Variants in SLC4A10 observed in about 807,000 individuals in gnomAD.
The protein encoded by SLC4A10 is sodium-driven chloride bicarbonate exchanger.
SLC4A10 carries 42 observed loss-of-function variants against 137.7 expected under a neutral mutation model. The observed-to-expected ratio is 0.30, with a 90% CI of 0.24 to 0.39. The LOEUF is 0.39. Among genes scored for constraint, SLC4A10 ranks in the 10% least tolerant of loss-of-function variants. The pLI, the probability that SLC4A10 is intolerant of heterozygous loss-of-function variation, is 1.00. For missense variants in SLC4A10, 925 were observed against 1,355.0 expected (o/e 0.68, Z 4.98); for synonymous variants, 474 against 464.1 (o/e 1.02, Z -0.27).
At chr2:161,908,622 G>A (rs907136007) in intron 15 of SLC4A10, among the ~76,000 whole-genome samples, 1 of 151,738 alleles carries the variant, frequency 6.6e-6, no homozygotes, top group Admixed American at 6.6e-5. Flanking sequence ...AACTGGTATT[G>A]GGTTGGGAAA....
At chr2:161,733,822 A>T (rs1435844140) in intron 1 of SLC4A10, among the ~76,000 whole-genome samples, 1 of 152,188 alleles carries the variant, frequency 6.6e-6, no homozygotes, top group Non-Finnish European at 1.5e-5. Context: ...GCTGCCCAAG[A>T]CTATGGGAAC....
chr2:161,692,639 A>G (rs953220902), intron 1 of SLC4A10, among the ~76,000 whole-genome samples: 1 of 152,126 alleles, frequency 6.6e-6, no homozygotes, highest in Non-Finnish European at 1.5e-5. Context: ...GTCAGCAGCT[A>G]GGACAGCATG....
intron 15 of SLC4A10, among the ~76,000 whole-genome samples, chr2:161,926,015 A>G (rs1689003229): frequency 6.6e-6 from 1 of 151,864 alleles, no homozygotes; most frequent in South Asian, 2.1e-4. Flanking sequence ...GTGCTGAAAA[A>G]AATGTATATT....
chr2:161,713,090 C>A (rs1052904163), intron 1 of SLC4A10, among the ~76,000 whole-genome samples: 4 of 151,712 alleles, frequency 2.6e-5, no homozygotes, highest in Non-Finnish European at 4.4e-5. Context: ...GCAGAGGAAA[C>A]AACATCATTA....
chr2:161,724,234 C>T (rs1005904795), intron 1 of SLC4A10, among the ~76,000 whole-genome samples: 8 of 152,190 alleles, frequency 5.3e-5, no homozygotes, highest in African/African-American at 1.9e-4. Context: ...TGCCAGAGTA[C>T]TCCTTCTAAA....
chr2:161,983,109 T>C (rs921241573), intron 26 of SLC4A10, 70 bp from the exon 27 acceptor site: 3 of 1,422,690 alleles, frequency 2.1e-6, no homozygotes, highest in Admixed American at 4.1e-5. Flanking sequence ...GTTTTATGTC[T>C]GAGCAAGCAG....
chr2:161,746,065 C>A (rs1260646540), intron 1 of SLC4A10, among the ~76,000 whole-genome samples: 2 of 152,178 alleles, frequency 1.3e-5, no homozygotes, highest in Non-Finnish European at 2.9e-5. Flanking sequence ...TCTCACCAAG[C>A]CCTGTGGTGA....
chr2:161,775,221 A>G (rs1260897219), intron 2 of SLC4A10, among the ~76,000 whole-genome samples: 1 of 151,844 alleles, frequency 6.6e-6, no homozygotes, highest in Non-Finnish European at 1.5e-5. Flanking sequence ...CAGCTGCCAT[A>G]TCAGATGTGG....
At chr2:161,735,638 A>C (rs544287045) in intron 1 of SLC4A10, among the ~76,000 whole-genome samples, 1 of 149,170 alleles carries the variant, frequency 6.7e-6, no homozygotes, top group Admixed American at 6.6e-5. Context: ...CAGGTGTAGA[A>C]CTCAGGACAG....
rs571413328 is a variant in SLC4A10 at position 161,979,488 on chromosome 2, T to C, written c.*26+1728T>C. ...GGAATGAAAGTTTATCCAGCTTTCC[T>C]TACCTTTTGATGTGATCGCATTTGT... is the stretch of plus-strand genomic sequence containing the variant. On this transcript the variant is annotated intron_variant, in intron 26 of 26. Coordinates refer to ENST00000446997, the MANE Select transcript of SLC4A10 (RefSeq NM_001178015.2). 2.6e-5 allele frequency among the ~76,000 whole-genome samples: 4 copies of C among 152,368 alleles called. No individual in the cohort carries two copies. In the East Asian group the frequency reaches 7.7e-4, roughly 29 times the overall value.
At chr2:161,953,341 G>A (rs1457797785) in intron 19 of SLC4A10, among the ~76,000 whole-genome samples, 6 of 152,162 alleles carry the variant, frequency 3.9e-5, no homozygotes, top group Non-Finnish European at 5.9e-5. Flanking sequence ...CAGGCACAGT[G>A]GCTCACGCCT....
At chr2:161,627,997 G>A (rs770723443) in intron 1 of SLC4A10, among the ~76,000 whole-genome samples, 9 of 151,998 alleles carry the variant, frequency 5.9e-5, no homozygotes, top group Non-Finnish European at 8.8e-5. Context: ...TTTAATAATT[G>A]TTATAACCTT....
At chr2:161,651,605 T>A (rs1209468711) in intron 1 of SLC4A10, among the ~76,000 whole-genome samples, 1 of 152,174 alleles carries the variant, frequency 6.6e-6, no homozygotes, top group Non-Finnish European at 1.5e-5. Flanking sequence ...TTTAAGCTTC[T>A]GGGCGCCACC....
At chr2:161,646,116 C>G (rs1266406176) in intron 1 of SLC4A10, among the ~76,000 whole-genome samples, 1 of 151,972 alleles carries the variant, frequency 6.6e-6, no homozygotes, top group Admixed American at 6.5e-5. Flanking sequence ...GTGCTAATAG[C>G]TTTTTTGGGA....
At chr2:161,667,872 T>C (rs2039251236) in intron 1 of SLC4A10, among the ~76,000 whole-genome samples, 1 of 151,786 alleles carries the variant, frequency 6.6e-6, no homozygotes, top group Admixed American at 6.6e-5. Context: ...TAAAATATGT[T>C]GTATAAGGTA....
intron 1 of SLC4A10, among the ~76,000 whole-genome samples, chr2:161,666,460 A>C (rs2105752241): frequency 6.6e-6 from 1 of 151,800 alleles, no homozygotes; most frequent in Non-Finnish European, 1.5e-5. Context: ...TATTAGCACA[A>C]AGCAAGGTAT....
At chr2:161,683,107 A>C (rs2041039739) in intron 1 of SLC4A10, among the ~76,000 whole-genome samples, 1 of 152,146 alleles carries the variant, frequency 6.6e-6, no homozygotes, top group African/African-American at 2.4e-5. Context: ...AAGAGTGTGA[A>C]TACAGGGTGC....
chr2:161,672,170 A>G (rs2039802398), intron 1 of SLC4A10, among the ~76,000 whole-genome samples: 1 of 152,202 alleles, frequency 6.6e-6, no homozygotes. Context: ...TTTGAGAGCA[A>G]AATGACATGG....
intron 21 of SLC4A10, among the ~76,000 whole-genome samples, chr2:161,959,021 A>T (rs1696150778): frequency 6.6e-6 from 1 of 152,178 alleles, no homozygotes; most frequent in Non-Finnish European, 1.5e-5. Flanking sequence ...TTCACTGAAA[A>T]TTGATAATTA....
Sources: gnomAD v4.1 joint callset for allele counts (sites outside exome capture counted in the v4.1 genomes callset) on GRCh38, gnomAD v4.1.1 for gene constraint, MANE v1.5 for transcripts, NCBI Gene and HGNC (gene_info 2026-07-23, HGNC 2026-07-21) for gene names.